MELK: variants seen among roughly 807,000 people sequenced by gnomAD.
MELK encodes maternal embryonic leucine zipper kinase, also known as pEg3 kinase.
Under a neutral mutation model 85.0 loss-of-function variants are expected in MELK, and 81 were observed. The ratio of observed to expected loss-of-function variants is 0.95; its 90% CI spans 0.80 to 1.15. The LOEUF is 1.15. MELK is among the 50% of genes most tolerant of loss of function. MELK has a pLI of 0.00. For synonymous variants in MELK, 252 were observed against 265.0 expected (o/e 0.95, Z 0.48); for missense variants, 754 against 777.5 (o/e 0.97, Z 0.36).
rs948599191 is a variant in MELK at position 36,636,402 on chromosome 9, T to C, written c.834+3202T>C. On this transcript the variant is annotated intron_variant, in intron 10 of 17. Transcript: ENST00000298048. ...CTGTAATCCCAACTACTCGGGAGGC[T>C]GAGGCAGGAGAATCACTTGAACCTG... 3.3e-5 allele frequency among the ~76,000 whole-genome samples: 5 copies of C among 151,998 alleles called. No homozygotes were observed. The South Asian group carries it at 1.0e-3, about 32-fold the overall frequency.
In MELK at chr9:36,583,660, T is replaced by G. The variant is rs774943512; in HGVS notation, c.92T>G (p.Ile31Ser). The G allele has an allele frequency of 2.7e-5, 44 of 1,612,782 alleles. No individual in the cohort carries two copies. Among genetic ancestry groups the G allele is most frequent in the Non-Finnish European group, 3.7e-5 (44 of 1,179,276 alleles). The stretch of plus-strand genomic sequence containing the variant: ...GCAAAGGTCAAACTTGCCTGCCATA[T>G]CCTTACTGGAGAGATGGTAGCTATA... ...GFAKVKLACH[I>S]LTGEMVAIKI... is the part of the protein sequence containing the mutation. Residue 31 changes from isoleucine (I) to serine (S), a missense_variant, in exon 3 of 18, where the codon ATC (isoleucine) becomes AGC (serine). Physicochemically the swap from Ile to Ser is moderately radical, Grantham distance 142. Coordinates refer to ENST00000298048, the MANE Select transcript of MELK (RefSeq NM_014791.4).
rs750218598 is a variant in MELK, at chr9:36,583,677, G to T, written c.109G>T (p.Val37Leu). 5.6e-6 allele frequency: 9 copies of T among 1,612,836 alleles called. No homozygotes were observed. Among genetic ancestry groups the T allele is most frequent in the Non-Finnish European group, 7.6e-6 (9 of 1,179,252 alleles). ...CTGCCATATCCTTACTGGAGAGATG[G>T]TAGCTATAAAAATCATGGATAAAAA... Reference protein sequence around the residue: ...LACHILTGEMVAIKIMDKNTL... With the variant: ...LACHILTGEMLAIKIMDKNTL... Residue 37 changes from valine (V) to leucine (L), a missense_variant, in exon 3 of 18, where the codon GTA becomes TTA. Coordinates refer to ENST00000298048, the MANE Select transcript of MELK (RefSeq NM_014791.4).
chr9:36,606,742 CATATATAAT>C (rs1825590396), intron 7 of MELK: 1 of 147,014 alleles, frequency 6.8e-6, no homozygotes, highest in South Asian at 2.1e-4. Context: ...TACATATATA[CATATATAAT>C]ATATATAATA....
At position 36,669,344 on chromosome 9, in the gene MELK, A is replaced by G. The variant is rs56176668; in HGVS notation, c.1443A>G (p.Lys481=). 8,859 of 1,609,862 alleles carry G rather than the reference A, an allele frequency of 5.5e-3. 146 individuals are homozygous for G. The highest frequency in any genetic ancestry group is 0.05 in the Middle Eastern group (303 of 6,050). Residue 481 remains lysine (K), a synonymous_variant, in exon 15 of 18, where the codon AAA becomes AAG. Transcript: ENST00000298048. ...AGTGCCTGAAAGAAACTCCAATTAA[A>G]ATACCAGTAAATTCAACAGGAACAG... ...RNQCLKETPI[K]IPVNSTGTDK...
At chr9:36,651,434 A>C (rs775526477) in intron 11 of MELK, among the ~76,000 whole-genome samples, 1 of 152,200 alleles carries the variant, frequency 6.6e-6, no homozygotes, top group East Asian at 1.9e-4. Context: ...CATATTTCTC[A>C]TACTAGGAAA....
intron 9 of MELK, among the ~76,000 whole-genome samples, chr9:36,632,653 A>G (rs1828752979): frequency 6.6e-6 from 1 of 152,238 alleles, no homozygotes; most frequent in African/African-American, 2.4e-5. Flanking sequence ...CTCTCCTTAC[A>G]TTTGAAAATT....
intron 1 of MELK, among the ~76,000 whole-genome samples, chr9:36,580,987 C>T (rs1016620093): frequency 1.3e-5 from 2 of 152,166 alleles, no homozygotes; most frequent in African/African-American, 2.4e-5. Context: ...CTTGGCCTCC[C>T]AAAGTGCTGG....
At chr9:36,608,076 C>T (rs986904438) in intron 8 of MELK, among the ~76,000 whole-genome samples, 40 of 151,956 alleles carry the variant, frequency 2.6e-4, no homozygotes, top group African/African-American at 9.2e-4. Flanking sequence ...GTCAGGAGAT[C>T]GAGACCATCC....
intron 17 of MELK, among the ~76,000 whole-genome samples, chr9:36,675,483 T>A (rs1196554392): frequency 6.6e-6 from 1 of 152,208 alleles, no homozygotes; most frequent in Non-Finnish European, 1.5e-5. Context: ...TCAAAATTCT[T>A]CTGGCTTTCT....
chr9:36,592,134 G>A (rs1212700575), intron 4 of MELK, among the ~76,000 whole-genome samples: 1 of 151,172 alleles, frequency 6.6e-6, no homozygotes. Context: ...TTACAGGCGT[G>A]AGCAACTATG....
chr9:36,665,325 T>A, intron 13 of MELK, 25 bp from the exon 14 acceptor site: 1 of 1,476,540 alleles, frequency 6.8e-7, no homozygotes, highest in African/African-American at 1.4e-5. Flanking sequence ...TCAGTGTGCT[T>A]TATCTAGTAA....
chr9:36,651,613 C>CA (rs1830707253), intron 11 of MELK, 133 bp from the exon 12 acceptor site: 1 of 1,021,572 alleles, frequency 9.8e-7, no homozygotes, highest in Non-Finnish European at 1.4e-6. Context: ...TGCTGTTTTT[C>CA]ATCATATGCT....
chr9:36,666,428 T>C (rs1832339506), intron 14 of MELK, among the ~76,000 whole-genome samples: 1 of 152,196 alleles, frequency 6.6e-6, no homozygotes, highest in Non-Finnish European at 1.5e-5. Flanking sequence ...CTAGACCTGA[T>C]GCCTAGTACA....
chr9:36,613,080 T>C (rs552218886), intron 8 of MELK, among the ~76,000 whole-genome samples: 1 of 152,326 alleles, frequency 6.6e-6, no homozygotes, highest in East Asian at 1.9e-4. Context: ...CATGGTCTAC[T>C]CCCTGCCTCA....
At position 36,613,184 on chromosome 9, in the gene MELK, C is replaced by A. The variant is rs946061905; in HGVS notation, c.666+5511C>A. On this transcript the variant is annotated intron_variant, in intron 8 of 17. Coordinates refer to ENST00000298048, the MANE Select transcript of MELK (RefSeq NM_014791.4). ...GCCTGCCTCAGGGCATTTGTACTTA[C>A]CCTTTCACCTGAAATGGTTTTCTCC... 6.6e-5 allele frequency among the ~76,000 whole-genome samples: 10 copies of A among 152,364 alleles called. No homozygotes were observed. In the South Asian group the frequency reaches 2.1e-3, roughly 32 times the overall value.
At chr9:36,667,911 G>T (rs968511084) in intron 14 of MELK, among the ~76,000 whole-genome samples, 3 of 152,094 alleles carry the variant, frequency 2.0e-5, no homozygotes, top group African/African-American at 7.2e-5. Context: ...GGGATTACAG[G>T]TGCGCACCAC....
At chr9:36,656,079 AC>A (rs906042266) in intron 12 of MELK, among the ~76,000 whole-genome samples, 4 of 152,140 alleles carry the variant, frequency 2.6e-5, no homozygotes, top group African/African-American at 4.8e-5. Flanking sequence ...TAATTAGTAT[AC>A]CCTTAGTTTA....
chr9:36,577,843 G>C (rs891125158), intron 1 of MELK, among the ~76,000 whole-genome samples: 2 of 151,446 alleles, frequency 1.3e-5, no homozygotes, highest in South Asian at 2.1e-4. Flanking sequence ...AGTAGAGACG[G>C]GGTTTCTCCA....
rs752618361 is a variant in MELK at position 36,677,269 on chromosome 9, C to T, written c.1888C>T (p.Arg630Trp). Reference sequence around the variant, plus strand: ...CGATGTGGTGGGTATCAGGAGGCAGCGGCTTAAGGGCGATGCCTGGGTTTA... The same window carrying T: ...CGATGTGGTGGGTATCAGGAGGCAGTGGCTTAAGGGCGATGCCTGGGTTTA... ...KPDVVGIRRQ[R>W]LKGDAWVYKR... Residue 630 changes from arginine to tryptophan, a missense_variant, in exon 18 of 18, where the codon CGG (arginine) becomes TGG (tryptophan). Arg to Trp is a moderately radical substitution (Grantham distance 101). Transcript: ENST00000298048. The T allele has an allele frequency of 1.7e-5, 27 of 1,613,964 alleles. No homozygotes were observed. The highest frequency in any genetic ancestry group is 2.2e-5 in the East Asian group (1 of 44,880).
Sources: allele counts gnomAD v4.1 joint callset (sites outside exome capture counted in the v4.1 genomes callset), GRCh38; gene constraint gnomAD v4.1.1; transcripts MANE v1.5; gene names NCBI Gene and HGNC (gene_info 2026-07-23, HGNC 2026-07-21).